The following LGR5 variants were observed in gnomAD, a reference collection of about 807,000 sequenced individuals.
LGR5 encodes leucine-rich repeat-containing G protein-coupled receptor 5.
LGR5 carries 54 observed loss-of-function variants against 76.7 expected under a neutral mutation model. That is an observed-to-expected ratio of 0.70 (90% CI 0.57 to 0.88). The LOEUF (loss-of-function observed/expected upper bound fraction) is 0.88, where lower values mean the gene tolerates loss of function less well. Among genes scored for constraint, LGR5 ranks in the 40% least tolerant of loss-of-function variants. The pLI is 0.00. For missense variants in LGR5, 1,078 were observed against 1,073.3 expected, an observed-to-expected ratio of 1.00 and a Z score of -0.06; for synonymous variants, 406 against 421.9, an observed-to-expected ratio of 0.96 and a Z score of 0.46.
intron 5 of LGR5, among the ~76,000 whole-genome samples, chr12:71,553,631 T>A (rs1337690956): frequency 6.6e-6 from 1 of 152,174 alleles, no homozygotes; most frequent in Non-Finnish European, 1.5e-5. Context: ...AAATAATTGA[T>A]AATTCAGGTC....
At chr12:71,531,367 A>G (rs1033439859) in intron 3 of LGR5, among the ~76,000 whole-genome samples, 2 of 152,234 alleles carry the variant, frequency 1.3e-5, no homozygotes, top group Admixed American at 1.3e-4. Flanking sequence ...AGAATGTTCT[A>G]ATTAACCCAC....
intron 1 of LGR5, among the ~76,000 whole-genome samples, chr12:71,445,997 T>C (rs1315858280): frequency 6.6e-6 from 1 of 152,206 alleles, no homozygotes; most frequent in Non-Finnish European, 1.5e-5. Context: ...TGGTGGGCTC[T>C]TTCCTTCAGG....
chr12:71,584,297 T>C lies in LGR5; in HGVS notation c.2287T>C (p.Ser763Pro). 2 of 1,614,206 alleles carry C rather than the reference T, an allele frequency of 1.2e-6. No individual in the cohort carries two copies. Among genetic ancestry groups the C allele is most frequent in the Non-Finnish European group, 1.7e-6 (2 of 1,180,024 alleles). Reference protein sequence around the residue: ...KGDLENIWDCSMVKHIALLLF... With the variant: ...KGDLENIWDCPMVKHIALLLF... Reference sequence around the variant, plus strand: ...AGACCTGGAGAATATTTGGGACTGCTCTATGGTAAAACACATTGCCCTGTT... The same window carrying C: ...AGACCTGGAGAATATTTGGGACTGCCCTATGGTAAAACACATTGCCCTGTT... Residue 763 changes from serine to proline, a missense_variant, in exon 18 of 18, where the codon TCT becomes CCT. By Grantham distance (74) the Ser-to-Pro change is moderately conservative. Coordinates refer to ENST00000266674, the MANE Select transcript of LGR5 (RefSeq NM_003667.4).
intron 1 of LGR5, among the ~76,000 whole-genome samples, chr12:71,471,506 T>C (rs1873100990): frequency 6.6e-6 from 1 of 152,176 alleles, no homozygotes; most frequent in African/African-American, 2.4e-5. Flanking sequence ...ACATGGGATT[T>C]CTGGGTGATG....
At chr12:71,495,219 T>C (rs1001324159) in intron 1 of LGR5, among the ~76,000 whole-genome samples, 6 of 151,366 alleles carry the variant, frequency 4.0e-5, no homozygotes, top group Non-Finnish European at 7.3e-5. Flanking sequence ...CGCATTCCAG[T>C]GCAGAACATC....
At chr12:71,551,093 T>C (rs1210371087) in intron 4 of LGR5, among the ~76,000 whole-genome samples, 4 of 152,276 alleles carry the variant, frequency 2.6e-5, no homozygotes, top group African/African-American at 9.6e-5. Flanking sequence ...CAATGATAGT[T>C]GTTCTATTGG....
At chr12:71,488,591 A>G (rs565048144) in intron 1 of LGR5, among the ~76,000 whole-genome samples, 1 of 152,282 alleles carries the variant, frequency 6.6e-6, no homozygotes, top group East Asian at 1.9e-4. Context: ...CTTTGGCAAA[A>G]TGCATCAATG....
chr12:71,539,669 G>A (rs1447469804), intron 4 of LGR5, among the ~76,000 whole-genome samples: 4 of 152,094 alleles, frequency 2.6e-5, no homozygotes, highest in Non-Finnish European at 4.4e-5. Flanking sequence ...GTAGAGACAG[G>A]GTTTCACTAT....
At chr12:71,567,774 A>G (rs1878421164) in intron 11 of LGR5, among the ~76,000 whole-genome samples, 1 of 152,190 alleles carries the variant, frequency 6.6e-6, no homozygotes, top group Admixed American at 6.5e-5. Context: ...ATGTGGGTGC[A>G]GTGACACCAC....
At chr12:71,481,625 G>A (rs1031469201) in intron 1 of LGR5, among the ~76,000 whole-genome samples, 5 of 152,200 alleles carry the variant, frequency 3.3e-5, no homozygotes, top group South Asian at 4.1e-4. Context: ...CAGGATATTC[G>A]ATGAAATGTG....
At chr12:71,476,332 A>G (rs1442626486) in intron 1 of LGR5, among the ~76,000 whole-genome samples, 2 of 152,186 alleles carry the variant, frequency 1.3e-5, no homozygotes, top group African/African-American at 4.8e-5. Flanking sequence ...TAGGCATACA[A>G]ACTTCTAAGT....
At chr12:71,496,560 G>T (rs74101863) in intron 1 of LGR5, among the ~76,000 whole-genome samples, 2 of 152,060 alleles carry the variant, frequency 1.3e-5, no homozygotes, top group Non-Finnish European at 2.9e-5. Flanking sequence ...TACACCAATA[G>T]TCAGCAATTC....
chr12:71,540,005 TC>T (rs1252120526), intron 4 of LGR5, among the ~76,000 whole-genome samples: 1 of 152,172 alleles, frequency 6.6e-6, no homozygotes, highest in Non-Finnish European at 1.5e-5. Flanking sequence ...GGAAATGTAA[TC>T]AGAATTCACA....
chr12:71,514,109 A>C (rs1466069253), intron 2 of LGR5, among the ~76,000 whole-genome samples: 1 of 151,390 alleles, frequency 6.6e-6, no homozygotes, highest in Non-Finnish European at 1.5e-5. Flanking sequence ...CAACAAAAAC[A>C]AACAAACAAA....
intron 2 of LGR5, 22 bp from the exon 3 acceptor site, chr12:71,524,384 T>C: frequency 6.3e-7 from 1 of 1,579,522 alleles, no homozygotes; most frequent in Non-Finnish European, 8.7e-7. Flanking sequence ...TCACTCTCTC[T>C]CCTCTCCATT....
At chr12:71,535,069 T>C (rs1286841724) in intron 3 of LGR5, 46 bp from the exon 4 acceptor site, 1 of 1,358,166 alleles carries the variant, frequency 7.4e-7, no homozygotes, top group Non-Finnish European at 1.0e-6. Flanking sequence ...AGGCCTGTTA[T>C]TGTTCATTTT....
At chr12:71,506,274 A>G (rs1026242352) in intron 2 of LGR5, among the ~76,000 whole-genome samples, 7 of 152,022 alleles carry the variant, frequency 4.6e-5, no homozygotes, top group African/African-American at 1.4e-4. Context: ...TAATTCCCAT[A>G]TAATATCTCA....
intron 1 of LGR5, among the ~76,000 whole-genome samples, chr12:71,453,125 C>T (rs191681523): frequency 1.4e-4 from 22 of 152,258 alleles, no homozygotes; most frequent in Non-Finnish European, 1.3e-4. Context: ...CAGAAAGGCA[C>T]CTACTAGGTA....
chr12:71,538,917 A>G (rs990572250), intron 4 of LGR5, among the ~76,000 whole-genome samples: 1 of 152,232 alleles, frequency 6.6e-6, no homozygotes, highest in African/African-American at 2.4e-5. Context: ...GCACTCTTCT[A>G]TGAGCTAATA....
Sources: gnomAD v4.1 joint callset for allele counts (sites outside exome capture counted in the v4.1 genomes callset) on GRCh38, gnomAD v4.1.1 for gene constraint, MANE v1.5 for transcripts, NCBI Gene and HGNC (gene_info 2026-07-23, HGNC 2026-07-21) for gene names.